The following EIF3F variants were observed in gnomAD, a reference collection of about 807,000 sequenced individuals.
EIF3F encodes eukaryotic translation initiation factor 3 subunit F, also known as deubiquitinating enzyme eIF3f.
Under a neutral mutation model 36.0 loss-of-function variants are expected in EIF3F, and 8 were observed. The ratio of observed to expected loss-of-function variants is 0.22; its 90% CI spans 0.13 to 0.40. The LOEUF is 0.40. EIF3F is among the 10% of genes least tolerant of loss of function. The pLI is 1.00. For synonymous variants in EIF3F, 184 were observed against 188.5 expected (o/e 0.98, Z 0.19); for missense variants, 430 against 467.6 (o/e 0.92, Z 0.74).
Position 7,995,927 on chromosome 11 carries a change from G to GTATT in EIF3F, c.997-17_997-14dup. The GTATT allele has an allele frequency of 6.2e-7, 1 of 1,612,618 alleles. No individual in the cohort carries two copies. The highest frequency in any genetic ancestry group is 2.2e-5 in the East Asian group (1 of 44,870). ...TTCCACCCAACCCCCCACTCATTGTGTATTCTTTGTCTTCCAGGACCTTTT... is the reference window on the plus strand; with the variant it reads ...TTCCACCCAACCCCCCACTCATTGTGTATTTATTCTTTGTCTTCCAGGACCTTTT... On this transcript the variant is annotated splice_polypyrimidine_tract_variant and intron_variant, in intron 7 of 7. Coordinates refer to ENST00000651655, the MANE Select transcript of EIF3F (RefSeq NM_003754.3).
rs1012198130 is a variant in EIF3F, at chr11:7,997,828, T to C, written c.*1806T>C. On this transcript the variant is annotated 3_prime_UTR_variant, in exon 8 of 8. Transcript: ENST00000651655. Reference sequence around the variant, plus strand: ...TCAACCAACTACAGGTTGAAAATATTGAGGGGGAAAATTGTGTCTGGACTA... The same window carrying C: ...TCAACCAACTACAGGTTGAAAATATCGAGGGGGAAAATTGTGTCTGGACTA... 1.3e-5 allele frequency: 2 copies of C among 152,174 alleles called. No homozygotes were observed. The allele number at this position is 152,174 out of a possible 1,614,324, so 9.4% of individuals were successfully genotyped here.
In EIF3F at chr11:7,995,451, A is replaced by C. The variant is rs1320647827; in HGVS notation, c.996+84A>C. The stretch of plus-strand genomic sequence containing the variant: ...ACTCAAATGTGAAAAGAGTTGGGTG[A>C]GGTGACCTGGAGTAGGATAGAGACA... On this transcript the variant is annotated intron_variant, in intron 7 of 7. Transcript: ENST00000651655. 3.5e-6 allele frequency: 4 copies of C among 1,155,262 alleles called. No homozygotes were observed. In the African/African-American group the frequency reaches 6.1e-5, roughly 18 times the overall value. 71.6% of individuals were successfully genotyped at this position (1,155,262 alleles called of 1,614,324 possible).
At position 7,991,764 on chromosome 11, in the gene EIF3F, G is replaced by A. The variant is rs879803086; in HGVS notation, c.365-17G>A. 21 of 1,613,944 alleles carry A rather than the reference G, an allele frequency of 1.3e-5. No individual in the cohort carries two copies. Among genetic ancestry groups the A allele is most frequent in the Non-Finnish European group, 1.7e-5 (20 of 1,179,820 alleles). ...CCCTAGGATTATATAACACATGGAC[G>A]ATTCTCTCTTTCACAGGAACTGTCG... On this transcript the variant is annotated splice_polypyrimidine_tract_variant and intron_variant, in intron 1 of 7. Transcript: ENST00000651655.
In EIF3F at chr11:8,001,335, A is replaced by C. The variant is rs1479846632; in HGVS notation, c.*5313A>C. On this transcript the variant is annotated 3_prime_UTR_variant, in exon 8 of 8. Transcript: ENST00000651655. ...GTAATTTTGTGTTTGTCAAAATTAC[A>C]AATATGCATGCCCTTAACCCAGGAA... 1.3e-5 allele frequency: 2 copies of C among 152,222 alleles called. No homozygotes were observed. Among genetic ancestry groups the C allele is most frequent in the African/African-American group, 4.8e-5 (2 of 41,448 alleles). 9.4% of individuals were successfully genotyped at this position (152,222 alleles called of 1,614,324 possible).
At chr11:7,987,770 C>G in intron 1 of EIF3F, 54 bp downstream of exon 1, 1 of 1,438,536 alleles carries the variant, frequency 7.0e-7, no homozygotes, top group Non-Finnish European at 9.1e-7. Flanking sequence ...TCTCATTTAT[C>G]TCACTCCCCT....
rs1453655656 is a variant in EIF3F, at chr11:8,000,171, C to G, written c.*4149C>G. On this transcript the variant is annotated 3_prime_UTR_variant, in exon 8 of 8. Transcript: ENST00000651655. ...CTGAGATTCCGCCACTGCAGTCCAGCCTGAGCGACAAGAGTGAGAAGAGTG... is the reference window on the plus strand; with the variant it reads ...CTGAGATTCCGCCACTGCAGTCCAGGCTGAGCGACAAGAGTGAGAAGAGTG... The G allele has an allele frequency of 1.3e-5, 2 of 151,554 alleles. No individual in the cohort carries two copies. The highest frequency in any genetic ancestry group is 2.9e-5 in the Non-Finnish European group (2 of 67,974). 9.4% of individuals were successfully genotyped at this position (151,554 alleles called of 1,614,324 possible).
intron 3 of EIF3F, 120 bp downstream of exon 3, chr11:7,992,283 T>C: frequency 1.1e-6 from 1 of 883,814 alleles, no homozygotes; most frequent in Non-Finnish European, 1.7e-6. Context: ...TGCAAGTGTA[T>C]TACTGACTGT....
Position 7,987,730 on chromosome 11 carries a change from G to A in EIF3F, c.364+14G>A, listed in dbSNP as rs1454536840. 2 of 1,496,940 alleles carry A rather than the reference G, an allele frequency of 1.3e-6. No homozygotes were observed. The highest frequency in any genetic ancestry group is 2.3e-5 in the Admixed American group (1 of 42,994). 92.7% of individuals were successfully genotyped at this position (1,496,940 alleles called of 1,614,324 possible). On this transcript the variant is annotated intron_variant, in intron 1 of 7. Coordinates refer to ENST00000651655, the MANE Select transcript of EIF3F (RefSeq NM_003754.3). ...GGACCCTGTTGGGTGAGTGGTCAGA[G>A]AAAGTTAACATTCTTTTCTTCCTCC...
In EIF3F at chr11:7,989,086, C is replaced by T. The variant is rs116462112; in HGVS notation, c.364+1370C>T. 2.5e-3 allele frequency among the ~76,000 whole-genome samples: 374 copies of T among 152,324 alleles called. 1 individual carries two copies. Among genetic ancestry groups the T allele is most frequent in the African/African-American group, 8.8e-3 (366 of 41,576 alleles). On this transcript the variant is annotated intron_variant, in intron 1 of 7. Transcript: ENST00000651655. The stretch of plus-strand genomic sequence containing the variant: ...TTGTTTAAGCTCTACCTACCTTCCA[C>T]GTTCCCAGCAACAGCATTAAGTGCC...
rs1942217694 is a variant in EIF3F, at chr11:8,001,256, G to A, written c.*5234G>A. ...TGGAATGGCCAGAGTAAGAGGAAACGTGACACAGGCACAGATTGCTGGTAG... is the reference window on the plus strand; with the variant it reads ...TGGAATGGCCAGAGTAAGAGGAAACATGACACAGGCACAGATTGCTGGTAG... On this transcript the variant is annotated 3_prime_UTR_variant, in exon 8 of 8. Coordinates refer to ENST00000651655, the MANE Select transcript of EIF3F (RefSeq NM_003754.3). 1 of 152,202 alleles carries A rather than the reference G, an allele frequency of 6.6e-6. No individual in the cohort carries two copies. 9.4% of individuals were successfully genotyped at this position (152,202 alleles called of 1,614,324 possible).
intron 4 of EIF3F, 133 bp from the exon 5 acceptor site, chr11:7,994,293 G>A (rs570920726): frequency 4.2e-6 from 3 of 718,292 alleles, no homozygotes; most frequent in African/African-American, 1.8e-5. Flanking sequence ...AGACCTCTGG[G>A]GTTCATTTGG....
At chr11:7,989,493 C>T (rs900849738) in intron 1 of EIF3F, among the ~76,000 whole-genome samples, 3 of 152,112 alleles carry the variant, frequency 2.0e-5, no homozygotes, top group Non-Finnish European at 4.4e-5. Context: ...GAACTTATTT[C>T]CTTAGATATA....
intron 1 of EIF3F, among the ~76,000 whole-genome samples, chr11:7,990,808 T>C (rs113331568): frequency 1.3e-5 from 2 of 151,102 alleles, no homozygotes; most frequent in East Asian, 3.9e-4. Context: ...TCCAATAGAT[T>C]AGAAGAGAAT....
intron 1 of EIF3F, among the ~76,000 whole-genome samples, chr11:7,988,209 G>T (rs1942051093): frequency 2.0e-5 from 3 of 152,178 alleles, no homozygotes; most frequent in African/African-American, 4.8e-5. Flanking sequence ...TGTCAAAGGA[G>T]TGGGGACGTT....
intron 1 of EIF3F, among the ~76,000 whole-genome samples, chr11:7,988,302 G>A (rs542771506): frequency 6.6e-6 from 1 of 152,278 alleles, no homozygotes; most frequent in East Asian, 1.9e-4. Context: ...TGTCCTAAAC[G>A]TCTGAGCCTG....
At position 7,999,002 on chromosome 11, in the gene EIF3F, C is replaced by A. The variant is rs147136393; in HGVS notation, c.*2980C>A. 1.3e-5 allele frequency: 2 copies of A among 152,266 alleles called. No individual in the cohort carries two copies. Among genetic ancestry groups the A allele is most frequent in the Non-Finnish European group, 2.9e-5 (2 of 68,020 alleles). The allele number at this position is 152,266 out of a possible 1,614,324, so 9.4% of individuals were successfully genotyped here. A position where few individuals can be genotyped will look rare whatever the true frequency, so the allele number is the denominator to read the frequency against. ...GTGGAGCCAGGCACAGTGGCTCATG[C>A]CTGTAATCCCAGCACTTTGGCAGGC... On this transcript the variant is annotated 3_prime_UTR_variant, in exon 8 of 8. Transcript: ENST00000651655.
chr11:7,987,736 T>C lies in EIF3F; in HGVS notation c.364+20T>C. 1 of 1,485,558 alleles carries C rather than the reference T, an allele frequency of 6.7e-7. No homozygotes were observed. The highest frequency in any genetic ancestry group is 2.5e-5 in the East Asian group (1 of 39,732). The allele number at this position is 1,485,558 out of a possible 1,614,324, so 92.0% of individuals were successfully genotyped here. A position where few individuals can be genotyped will look rare whatever the true frequency, so the allele number is the denominator to read the frequency against. ...TGTTGGGTGAGTGGTCAGAGAAAGT[T>C]AACATTCTTTTCTTCCTCCCACTTC... On this transcript the variant is annotated intron_variant, in intron 1 of 7. Transcript: ENST00000651655.
At chr11:7,992,205 T>TTCGTGA (rs1432175582) in intron 3 of EIF3F, 42 bp downstream of exon 3, 1 of 1,525,424 alleles carries the variant, frequency 6.6e-7, no homozygotes, top group Non-Finnish European at 9.0e-7. Flanking sequence ...GGAAGGTCTC[T>TTCGTGA]TCGTGATTGC....
intron 5 of EIF3F, 163 bp from the exon 6 acceptor site, chr11:7,994,819 A>G (rs1942142568): frequency 1.9e-6 from 2 of 1,041,678 alleles, no homozygotes; most frequent in Non-Finnish European, 1.4e-6. Context: ...AGAAAAGCTG[A>G]TAAGGGCACA....
Sources: gnomAD v4.1 joint callset for allele counts (sites outside exome capture counted in the v4.1 genomes callset) on GRCh38, gnomAD v4.1.1 for gene constraint, MANE v1.5 for transcripts, NCBI Gene and HGNC (gene_info 2026-07-23, HGNC 2026-07-21) for gene names.